Variants in JARID2 observed in about 807,000 individuals in gnomAD.
The protein encoded by JARID2 is jumonji and AT-rich interaction domain containing 2.
Under a neutral mutation model 125.6 loss-of-function variants are expected in JARID2, and 21 were observed. The observed-to-expected ratio is 0.17, with a 90% CI of 0.12 to 0.24. JARID2 has a LOEUF of 0.24. Ranked by LOEUF, JARID2 falls within the 10% of genes least tolerant of loss-of-function variation. JARID2 has a pLI of 1.00. For missense variants in JARID2, 1,303 were observed against 1,639.6 expected (o/e 0.79, Z 3.55); for synonymous variants, 736 against 661.6 (o/e 1.11, Z -1.73).
chr6:15,255,004 CAA>C (rs202002954), intron 1 of JARID2, among the ~76,000 whole-genome samples: 1 of 141,594 alleles, frequency 7.1e-6, no homozygotes, highest in Non-Finnish European at 1.5e-5. Context: ...ACTCTGTCTC[CAA>C]AAAAAACAAA....
At chr6:15,300,712 TGTGTGTGTGTGAGAGA>T (rs1761582914) in intron 1 of JARID2, among the ~76,000 whole-genome samples, 1 of 139,922 alleles carries the variant, frequency 7.1e-6, no homozygotes, top group Non-Finnish European at 1.5e-5. Flanking sequence ...TGTGTGTGTG[TGTGTGTGTGTGAGAGA>T]GAGAGAGAGA....
At chr6:15,479,163 A>T (rs1017177276) in intron 5 of JARID2, among the ~76,000 whole-genome samples, 6 of 151,998 alleles carry the variant, frequency 3.9e-5, no homozygotes, top group Admixed American at 6.6e-5. Context: ...TTCCTCCCTT[A>T]CCATTAACGC....
chr6:15,339,156 A>T (rs1762982013), intron 1 of JARID2, among the ~76,000 whole-genome samples: 1 of 152,146 alleles, frequency 6.6e-6, no homozygotes, highest in South Asian at 2.1e-4. Flanking sequence ...TCAGGTGTGC[A>T]TAATGGAAGG....
At chr6:15,353,068 G>T (rs1023235850) in intron 1 of JARID2, among the ~76,000 whole-genome samples, 2 of 152,186 alleles carry the variant, frequency 1.3e-5, no homozygotes, top group African/African-American at 4.8e-5. Flanking sequence ...GTATGCCAGA[G>T]AATTGAATTT....
rs1413187971 is a variant in JARID2 at position 15,289,400 on chromosome 6, TAC to T, written c.45+42817_45+42818del. ...TTCTTCTATTTTTTAAATCGTTTGT[TAC>T]TATTATATTAAAATAGAGACAGGTC... On this transcript the variant is annotated intron_variant, in intron 1 of 17. Transcript: ENST00000341776. 2.1e-3 allele frequency among the ~76,000 whole-genome samples: 323 copies of T among 152,256 alleles called. 3 individuals are homozygous for T. Among genetic ancestry groups the T allele is most frequent in the African/African-American group, 7.6e-3 (315 of 41,562 alleles).
intron 1 of JARID2, among the ~76,000 whole-genome samples, chr6:15,292,291 G>T (rs774495285): frequency 2.0e-5 from 3 of 152,148 alleles, no homozygotes; most frequent in South Asian, 4.1e-4. Context: ...AAAGAGCTGG[G>T]ATTACAGGCG....
At chr6:15,288,271 G>T (rs1036485927) in intron 1 of JARID2, among the ~76,000 whole-genome samples, 1 of 151,498 alleles carries the variant, frequency 6.6e-6, no homozygotes, top group Admixed American at 6.6e-5. Context: ...AGGTGGGAGG[G>T]GTGGGAGCAG....
rs745910520 is a variant in JARID2 at position 15,413,002 on chromosome 6, G to GTTTTTTTTTTTTTTTTTTTTTTTTTT, written c.323+2642_323+2643insTTTTTTTTTTTTTTTTTTTTTTTTTT. ...AACATTATACATGGGAAGAGCTTGTGTTTTTGTTTTTTTTTTTTTTGTTTT... is the reference window on the plus strand; with the variant it reads ...AACATTATACATGGGAAGAGCTTGTGTTTTTTTTTTTTTTTTTTTTTTTTTTTTTTTGTTTTTTTTTTTTTTGTTTT... On this transcript the variant is annotated intron_variant, in intron 3 of 17. Coordinates refer to ENST00000341776, the MANE Select transcript of JARID2 (RefSeq NM_004973.4). Among the ~76,000 whole-genome samples the GTTTTTTTTTTTTTTTTTTTTTTTTTT allele has an allele frequency of 3.2e-4, 15 of 46,560 alleles. 4 individuals carry two copies. Among genetic ancestry groups the GTTTTTTTTTTTTTTTTTTTTTTTTTT allele is most frequent in the African/African-American group, 1.0e-3 (11 of 10,768 alleles). 30.5% of individuals were successfully genotyped at this position (46,560 alleles called of 152,430 possible).
chr6:15,474,858 C>T (rs1424186794), intron 5 of JARID2, among the ~76,000 whole-genome samples: 1 of 152,214 alleles, frequency 6.6e-6, no homozygotes, highest in African/African-American at 2.4e-5. Flanking sequence ...ATTTACATTG[C>T]TATCTATACT....
At chr6:15,481,256 G>A (rs1040910384) in intron 5 of JARID2, among the ~76,000 whole-genome samples, 18 of 152,268 alleles carry the variant, frequency 1.2e-4, no homozygotes, top group East Asian at 3.9e-4. Flanking sequence ...GTCTCTGTTC[G>A]TTAATGTAAA....
intron 7 of JARID2, among the ~76,000 whole-genome samples, chr6:15,499,183 C>T (rs1386502429): frequency 6.6e-6 from 1 of 152,152 alleles, no homozygotes; most frequent in Non-Finnish European, 1.5e-5. Context: ...GGGCTGGGGT[C>T]TGAGCTCAGC....
chr6:15,464,601 C>T (rs1389352346), intron 4 of JARID2, among the ~76,000 whole-genome samples: 1 of 152,174 alleles, frequency 6.6e-6, no homozygotes, highest in Non-Finnish European at 1.5e-5. Flanking sequence ...AGAAGGGGTA[C>T]AAGCTTAACC....
intron 3 of JARID2, among the ~76,000 whole-genome samples, chr6:15,422,549 G>C (rs941247010): frequency 6.6e-6 from 1 of 152,118 alleles, no homozygotes; most frequent in Non-Finnish European, 1.5e-5. Flanking sequence ...GCTGCTCATC[G>C]ACATTCGTGG....
At chr6:15,488,334 A>T (rs1769982648) in intron 6 of JARID2, among the ~76,000 whole-genome samples, 1 of 152,224 alleles carries the variant, frequency 6.6e-6, no homozygotes, top group African/African-American at 2.4e-5. Flanking sequence ...CACACAGCTG[A>T]GGGCTTGTCC....
At chr6:15,295,119 CTTTCTTTTTTTTTTTTTTTT>C (rs1761362277) in intron 1 of JARID2, among the ~76,000 whole-genome samples, 2 of 137,344 alleles carry the variant, frequency 1.5e-5, no homozygotes, top group African/African-American at 5.5e-5. Context: ...TTTTTTTTTT[CTTTCTTTTTTTTTTTTTTTT>C]GAGACGGAGT....
chr6:15,311,103 C>A (rs1761995916), intron 1 of JARID2, among the ~76,000 whole-genome samples: 1 of 152,166 alleles, frequency 6.6e-6, no homozygotes. Flanking sequence ...CTGTTGGTCT[C>A]AGAGACCCTT....
intron 1 of JARID2, among the ~76,000 whole-genome samples, chr6:15,280,258 C>T (rs775549140): frequency 1.3e-5 from 2 of 152,106 alleles, no homozygotes; most frequent in African/African-American, 4.8e-5. Flanking sequence ...TGTTGGCTCT[C>T]TTTCAGATGT....
chr6:15,426,042 G>C (rs2127593734), intron 3 of JARID2, among the ~76,000 whole-genome samples: 1 of 152,298 alleles, frequency 6.6e-6, no homozygotes, highest in East Asian at 1.9e-4. Context: ...AAACAGGCCT[G>C]TACCTGTTTC....
At chr6:15,386,320 GTA>G (rs1764785608) in intron 2 of JARID2, among the ~76,000 whole-genome samples, 1 of 149,094 alleles carries the variant, frequency 6.7e-6, no homozygotes, top group South Asian at 2.1e-4. Flanking sequence ...GGGTGTGTGT[GTA>G]TGTGTGTGTT....
Sources: gnomAD v4.1 joint callset for allele counts (sites outside exome capture counted in the v4.1 genomes callset) on GRCh38, gnomAD v4.1.1 for gene constraint, MANE v1.5 for transcripts, NCBI Gene and HGNC (gene_info 2026-07-23, HGNC 2026-07-21) for gene names.